PRKG1: variants seen among roughly 807,000 people sequenced by gnomAD.
PRKG1 encodes protein kinase cGMP-dependent 1, also known as cGMP-dependent protein kinase 1.
In PRKG1, 35 loss-of-function variants were observed where a neutral mutation model predicts 88.1. The observed-to-expected ratio is 0.40, with a 90% CI of 0.30 to 0.53. The LOEUF (loss-of-function observed/expected upper bound fraction) is 0.53, where lower values mean the gene tolerates loss of function less well. Among genes scored for constraint, PRKG1 ranks in the 20% least tolerant of loss-of-function variants. PRKG1 has a pLI of 0.59. For synonymous variants in PRKG1, 303 were observed against 292.5 expected (o/e 1.04, Z -0.37); for missense variants, 540 against 839.8 (o/e 0.64, Z 4.41).
Position 51,397,148 on chromosome 10 carries a change from C to A in PRKG1, c.479-70575C>A, listed in dbSNP as rs1837600849. Among the ~76,000 whole-genome samples the A allele has an allele frequency of 1.5e-5, 2 of 136,118 alleles. 1 individual carries two copies. Among genetic ancestry groups the A allele is most frequent in the South Asian group, 4.7e-4 (2 of 4,266 alleles). 89.3% of individuals were successfully genotyped at this position (136,118 alleles called of 152,430 possible). On this transcript the variant is annotated intron_variant, in intron 2 of 17. Coordinates refer to ENST00000373980, the MANE Select transcript of PRKG1 (RefSeq NM_006258.4). ...GTATTTTTTTTTTTTTTTTTTGGTG[C>A]CCTCTAAAATTTTGTGCTCTGGGTG...
chr10:51,078,712 G>T (rs561384053), intron 1 of PRKG1, among the ~76,000 whole-genome samples: 1 of 151,690 alleles, frequency 6.6e-6, no homozygotes. Flanking sequence ...TGCCTCCCGG[G>T]TTCACACCAT....
chr10:52,064,481 G>A (rs1482267337), intron 7 of PRKG1, among the ~76,000 whole-genome samples: 1 of 152,222 alleles, frequency 6.6e-6, no homozygotes, highest in Non-Finnish European at 1.5e-5. Flanking sequence ...ACCTCCAAGA[G>A]GGCAGGGATC....
rs572027825 is a variant in PRKG1 at position 52,296,172 on chromosome 10, G to A, written c.*2272G>A. ...AAATTTACCTTGTTATTTGGAAAGA[G>A]AATCTGCTCCTATAACGTTTTAAAA... On this transcript the variant is annotated 3_prime_UTR_variant, in exon 18 of 18. Coordinates refer to ENST00000373980, the MANE Select transcript of PRKG1 (RefSeq NM_006258.4). The A allele has an allele frequency of 6.6e-6, 1 of 152,052 alleles. No homozygotes were observed. The highest frequency in any genetic ancestry group is 1.5e-5 in the Non-Finnish European group (1 of 67,948). 9.4% of individuals were successfully genotyped at this position (152,052 alleles called of 1,614,324 possible). A position where few individuals can be genotyped will look rare whatever the true frequency, so the allele number is the denominator to read the frequency against.
chr10:51,163,614 A>G (rs938063073), intron 2 of PRKG1, among the ~76,000 whole-genome samples: 1 of 152,188 alleles, frequency 6.6e-6, no homozygotes, highest in African/African-American at 2.4e-5. Context: ...CGGGAGGCGC[A>G]AGGGGTCGGG....
At chr10:51,892,103 T>C (rs1274736924) in intron 4 of PRKG1, among the ~76,000 whole-genome samples, 1 of 152,196 alleles carries the variant, frequency 6.6e-6, no homozygotes, top group African/African-American at 2.4e-5. Flanking sequence ...TAAACCAAAG[T>C]TTCCAAACTA....
At chr10:51,648,928 G>C (rs1460872859) in intron 3 of PRKG1, among the ~76,000 whole-genome samples, 1 of 152,140 alleles carries the variant, frequency 6.6e-6, no homozygotes, top group Non-Finnish European at 1.5e-5. Context: ...AGTAGGCCGG[G>C]CATGGTGGCT....
At chr10:51,311,805 T>G (rs1430772034) in intron 2 of PRKG1, among the ~76,000 whole-genome samples, 1 of 152,170 alleles carries the variant, frequency 6.6e-6, no homozygotes, top group Non-Finnish European at 1.5e-5. Flanking sequence ...GAGGTTCTTC[T>G]GAAAAGTAAA....
chr10:52,222,886 G>A (rs1030679270), intron 9 of PRKG1, among the ~76,000 whole-genome samples: 1 of 152,114 alleles, frequency 6.6e-6, no homozygotes, highest in Non-Finnish European at 1.5e-5. Context: ...CATCCCAGGT[G>A]TATAAAAACT....
intron 7 of PRKG1, among the ~76,000 whole-genome samples, chr10:52,131,604 TG>T (rs1160501199): frequency 1.3e-5 from 2 of 151,744 alleles, no homozygotes; most frequent in Non-Finnish European, 2.9e-5. Context: ...CTCAGCACTT[TG>T]GGAGGCTGAG....
In PRKG1 at chr10:52,176,139, G is replaced by A. The variant is rs558702503; in HGVS notation, c.1076+14176G>A. On this transcript the variant is annotated intron_variant, in intron 9 of 17. Coordinates refer to ENST00000373980, the MANE Select transcript of PRKG1 (RefSeq NM_006258.4). Reference sequence around the variant, plus strand: ...TTTGCAGTTTGGGGTCTTACATTTCGATCTTTGATCGATTTTGAGTTTTTT... The same window carrying A: ...TTTGCAGTTTGGGGTCTTACATTTCAATCTTTGATCGATTTTGAGTTTTTT... Among the ~76,000 whole-genome samples, 19 of 145,572 alleles carry A rather than the reference G, an allele frequency of 1.3e-4. No homozygotes were observed. In the South Asian group the frequency reaches 2.8e-3, roughly 22 times the overall value.
chr10:51,490,182 A>T (rs925543929), intron 3 of PRKG1, among the ~76,000 whole-genome samples: 1 of 152,160 alleles, frequency 6.6e-6, no homozygotes, highest in Non-Finnish European at 1.5e-5. Flanking sequence ...ACAAAGTTAC[A>T]TGTATAGCAG....
chr10:51,342,450 CAT>C (rs957159430), intron 2 of PRKG1, among the ~76,000 whole-genome samples: 6 of 151,990 alleles, frequency 3.9e-5, no homozygotes, highest in African/African-American at 1.4e-4. Flanking sequence ...AGAATTAAAA[CAT>C]AGAGAAACAA....
rs577274381 is a variant in PRKG1, at chr10:52,202,278, C to G, written c.1076+40315C>G. On this transcript the variant is annotated intron_variant, in intron 9 of 17. Coordinates refer to ENST00000373980, the MANE Select transcript of PRKG1 (RefSeq NM_006258.4). Reference sequence around the variant, plus strand: ...AGGGATATTGAATTTTATCAAAAATCCTTTTTGGCATCTACTGATAAGGTC... The same window carrying G: ...AGGGATATTGAATTTTATCAAAAATGCTTTTTGGCATCTACTGATAAGGTC... 1.1e-3 allele frequency among the ~76,000 whole-genome samples: 163 copies of G among 152,188 alleles called. 1 individual carries two copies. The highest frequency in any genetic ancestry group is 3.7e-3 in the African/African-American group (155 of 41,544).
chr10:51,187,453 T>G (rs1837521404), intron 2 of PRKG1, among the ~76,000 whole-genome samples: 1 of 152,026 alleles, frequency 6.6e-6, no homozygotes, highest in African/African-American at 2.4e-5. Flanking sequence ...CTAGAGTTAT[T>G]TAAAAGTTGA....
At chr10:51,232,539 A>G (rs761120213) in intron 2 of PRKG1, among the ~76,000 whole-genome samples, 3 of 121,864 alleles carry the variant, frequency 2.5e-5, no homozygotes, top group Non-Finnish European at 4.9e-5. Context: ...TTACACCCCA[A>G]TGATTATTAT....
chr10:51,701,304 A>C (rs1026074872), intron 3 of PRKG1, among the ~76,000 whole-genome samples: 1 of 152,232 alleles, frequency 6.6e-6, no homozygotes, highest in African/African-American at 2.4e-5. Flanking sequence ...TTCAGCAAAA[A>C]AATTGTATTA....
In PRKG1 at chr10:50,991,329, GC is replaced by G; in HGVS notation, c.-48del. 1 of 1,433,628 alleles carries G rather than the reference GC, an allele frequency of 7.0e-7. No individual in the cohort carries two copies. Among genetic ancestry groups the G allele is most frequent in the Non-Finnish European group, 9.1e-7 (1 of 1,095,614 alleles). The allele number at this position is 1,433,628 out of a possible 1,614,324, so 88.8% of individuals were successfully genotyped here. On this transcript the variant is annotated 5_prime_UTR_variant, in exon 1 of 18. Transcript: ENST00000401604. This position sits in a 1 kb window ranked among gnomAD's most constrained non-coding sequence, Gnocchi z 4.5. ...CGTCCCAGCCGCCGCCGCCGCCGCCGCCGCCGCCGCCGCCCGAGAAAAAGTT... is the reference window on the plus strand; with the variant it reads ...CGTCCCAGCCGCCGCCGCCGCCGCCGCGCCGCCGCCGCCCGAGAAAAAGTT...
intron 3 of PRKG1, among the ~76,000 whole-genome samples, chr10:51,621,667 G>T (rs1839215327): frequency 6.6e-6 from 1 of 152,106 alleles, no homozygotes; most frequent in Non-Finnish European, 1.5e-5. Context: ...CGCAGATATT[G>T]TTACCTGTAT....
intron 5 of PRKG1, among the ~76,000 whole-genome samples, chr10:52,033,744 C>T (rs1292593230): frequency 6.6e-6 from 1 of 151,994 alleles, no homozygotes; most frequent in Admixed American, 6.6e-5. Context: ...TGGGTTTGCA[C>T]AAGTGGTAAA....
Sources: gnomAD v4.1 joint callset for allele counts (sites outside exome capture counted in the v4.1 genomes callset) on GRCh38, gnomAD v4.1.1 for gene constraint, Gnocchi (gnomAD v3.1) non-coding constraint, MANE v1.5 for transcripts, NCBI Gene and HGNC (gene_info 2026-07-23, HGNC 2026-07-21) for gene names.